Variants in AMPD3 observed in about 807,000 individuals in gnomAD.
The protein encoded by AMPD3 is adenosine monophosphate deaminase 3, also known as AMP deaminase 3.
Under a neutral mutation model 82.3 loss-of-function variants are expected in AMPD3, and 57 were observed. The ratio of observed to expected loss-of-function variants is 0.69; its 90% CI spans 0.56 to 0.86. The LOEUF is 0.86. Among genes scored for constraint, AMPD3 ranks in the 40% least tolerant of loss-of-function variants. The pLI is 0.00. For synonymous variants in AMPD3, 381 were observed against 394.7 expected (o/e 0.97, Z 0.41); for missense variants, 870 against 1,003.8 (o/e 0.87, Z 1.80).
At chr11:10,491,815 A>G (rs896808201) in intron 6 of AMPD3, among the ~76,000 whole-genome samples, 6 of 152,290 alleles carry the variant, frequency 3.9e-5, no homozygotes, top group African/African-American at 1.2e-4. Flanking sequence ...CCACTTTTGG[A>G]TATATTAAAT....
Position 10,506,111 on chromosome 11 carries a change from G to A in AMPD3, c.*227G>A, listed in dbSNP as rs1048561241. ...ACTTCTCCTTGGGGATCTGGGAGCTGAGCACTTGTCTATACTTGTTCCTAA... is the reference window on the plus strand; with the variant it reads ...ACTTCTCCTTGGGGATCTGGGAGCTAAGCACTTGTCTATACTTGTTCCTAA... On this transcript the variant is annotated 3_prime_UTR_variant, in exon 15 of 15. Coordinates refer to ENST00000396553, the MANE Select transcript of AMPD3 (RefSeq NM_001025389.2). This position sits in a 1 kb window ranked among gnomAD's most constrained non-coding sequence, Gnocchi z 4.1. 6.7e-6 allele frequency: 4 copies of A among 592,756 alleles called. No individual in the cohort carries two copies. In the African/African-American group the frequency reaches 7.4e-5, roughly 11 times the overall value. The allele number at this position is 592,756 out of a possible 1,614,324, so 36.7% of individuals were successfully genotyped here.
At chr11:10,475,238 T>C (rs924328804) in intron 2 of AMPD3, among the ~76,000 whole-genome samples, 23 of 151,980 alleles carry the variant, frequency 1.5e-4, no homozygotes, top group Non-Finnish European at 4.4e-5. Flanking sequence ...TACACACTTT[T>C]AAATGCCCAG....
intron 2 of AMPD3, among the ~76,000 whole-genome samples, chr11:10,463,579 A>G (rs944629430): frequency 6.6e-6 from 1 of 152,230 alleles, no homozygotes; most frequent in African/African-American, 2.4e-5. Context: ...CAATGAGAGG[A>G]AAAGAAATCC....
Position 10,496,684 on chromosome 11 carries a change from T to A in AMPD3, c.1431-128T>A. On this transcript the variant is annotated intron_variant, in intron 9 of 14. Coordinates refer to ENST00000396553, the MANE Select transcript of AMPD3 (RefSeq NM_001025389.2). ...GACAGAGGAGGGATCTGTTTTCTGGTCCCATCTGACTTGATTCTGGGTGTT... is the reference window on the plus strand; with the variant it reads ...GACAGAGGAGGGATCTGTTTTCTGGACCCATCTGACTTGATTCTGGGTGTT... 3.9e-6 allele frequency: 6 copies of A among 1,526,410 alleles called. No individual in the cohort carries two copies. The South Asian group carries it at 4.6e-5, about 12-fold the overall frequency. 94.6% of individuals were successfully genotyped at this position (1,526,410 alleles called of 1,614,324 possible). A position where few individuals can be genotyped will look rare whatever the true frequency, so the allele number is the denominator to read the frequency against.
intron 10 of AMPD3, among the ~76,000 whole-genome samples, chr11:10,498,887 A>G (rs540826413): frequency 1.3e-5 from 2 of 152,180 alleles, no homozygotes; most frequent in African/African-American, 4.8e-5. Flanking sequence ...CCCTCCATGC[A>G]TGTGTTCTTG....
chr11:10,490,224 T>G (rs1849202918), intron 6 of AMPD3, among the ~76,000 whole-genome samples: 1 of 152,216 alleles, frequency 6.6e-6, no homozygotes, highest in Non-Finnish European at 1.5e-5. Context: ...CCAGCAGGAC[T>G]GTGTGACTGA....
chr11:10,478,682 C>T lies in AMPD3; in HGVS notation c.378C>T (p.Ala126=), dbSNP rs1848812992. Residue 126 remains alanine, a synonymous_variant, in exon 3 of 15, where the codon GCC becomes GCT. Coordinates refer to ENST00000396553, the MANE Select transcript of AMPD3 (RefSeq NM_001025389.2). ...CCCTGCCCACGCCAGCACCCTATGC[C>T]ATGCCTGAGTTCCAGCGGGTCACCA... ...ATSLPTPAPY[A]MPEFQRVTIS... is the part of the protein sequence containing the mutation. 2.5e-6 allele frequency: 4 copies of T among 1,614,176 alleles called. No individual in the cohort carries two copies. Among genetic ancestry groups the T allele is most frequent in the Non-Finnish European group, 3.4e-6 (4 of 1,180,042 alleles).
intron 12 of AMPD3, chr11:10,502,259 C>A: frequency 2.0e-6 from 2 of 985,460 alleles, no homozygotes; most frequent in Non-Finnish European, 2.4e-6. Flanking sequence ...CTATCCTGGG[C>A]AGGTCCACCC....
intron 1 of AMPD3, 159 bp from the exon 2 acceptor site, chr11:10,461,356 A>C: frequency 6.3e-7 from 1 of 1,591,274 alleles, no homozygotes; most frequent in Non-Finnish European, 8.5e-7. Context: ...TTATTGAGCT[A>C]ATTTTGAAAT....
chr11:10,488,148 G>A (rs1044441726), intron 6 of AMPD3: 5 of 942,934 alleles, frequency 5.3e-6, no homozygotes, highest in Admixed American at 6.2e-5. Flanking sequence ...AGCCTTGTCC[G>A]GGGCTCCTGG....
chr11:10,489,132 A>C (rs1183066188), intron 6 of AMPD3, among the ~76,000 whole-genome samples: 1 of 152,128 alleles, frequency 6.6e-6, no homozygotes, highest in African/African-American at 2.4e-5. Flanking sequence ...TGGCATTTTC[A>C]CCTTCAAGCA....
chr11:10,486,763 C>G, intron 5 of AMPD3: 1 of 985,316 alleles, frequency 1.0e-6, no homozygotes, highest in Non-Finnish European at 1.2e-6. Context: ...GCAACAAACT[C>G]CTTCTTCAAG....
At chr11:10,479,733 C>T (rs915505591) in intron 3 of AMPD3, 10 of 201,160 alleles carry the variant, frequency 5.0e-5, no homozygotes, top group Non-Finnish European at 8.0e-5. Flanking sequence ...ATACATTATA[C>T]TGCATCTTGC....
intron 2 of AMPD3, among the ~76,000 whole-genome samples, chr11:10,472,533 T>C (rs1219443564): frequency 6.6e-6 from 1 of 152,206 alleles, no homozygotes; most frequent in Non-Finnish European, 1.5e-5. Context: ...TAGAATGTTT[T>C]GAGTGAAATT....
At chr11:10,464,664 T>C (rs1346618982) in intron 2 of AMPD3, among the ~76,000 whole-genome samples, 1 of 152,226 alleles carries the variant, frequency 6.6e-6, no homozygotes, top group Non-Finnish European at 1.5e-5. Context: ...CATCCTCCTC[T>C]GGGGTCTGCC....
chr11:10,471,615 C>A (rs1848592264), intron 2 of AMPD3, among the ~76,000 whole-genome samples: 5 of 152,172 alleles, frequency 3.3e-5, no homozygotes, highest in Admixed American at 2.6e-4. Context: ...AAGAAAACAA[C>A]CCCATCAAAA....
intron 2 of AMPD3, among the ~76,000 whole-genome samples, chr11:10,473,753 A>G (rs1848659453): frequency 2.0e-5 from 3 of 152,134 alleles, no homozygotes. Context: ...AGCCCCTCTT[A>G]GTTCCCTCCT....
chr11:10,500,819 CCAGGAGTTAGCTGCCCAGGGCAG>C, intron 11 of AMPD3: 1 of 985,432 alleles, frequency 1.0e-6, no homozygotes, highest in Non-Finnish European at 1.2e-6. Context: ...GCACACGTGG[CCAGGAGTTAGCTGCCCAGGGCAG>C]CAGGACACTG....
chr11:10,472,294 G>A (rs1346328728), intron 2 of AMPD3, among the ~76,000 whole-genome samples: 2 of 152,074 alleles, frequency 1.3e-5, no homozygotes, highest in Non-Finnish European at 1.5e-5. Context: ...GGCCTGTTGG[G>A]GGGTGAGGGG....
Sources: allele counts gnomAD v4.1 joint callset (sites outside exome capture counted in the v4.1 genomes callset), GRCh38; gene constraint gnomAD v4.1.1; non-coding constraint Gnocchi (gnomAD v3.1); transcripts MANE v1.5; gene names NCBI Gene and HGNC (gene_info 2026-07-23, HGNC 2026-07-21).